Variants in WWOX observed in about 807,000 individuals in gnomAD.
The protein encoded by WWOX is WW domain-containing oxidoreductase.
In WWOX, 69 loss-of-function variants were observed where a neutral mutation model predicts 46.2. That is an observed-to-expected ratio of 1.49 (90% CI 1.23 to 1.82). The LOEUF is 1.82. WWOX is among the 40% of genes most tolerant of loss of function. The pLI is 0.00. For synonymous variants in WWOX, 359 were observed against 202.6 expected (o/e 1.77, Z -6.56); for missense variants, 919 against 542.6 (o/e 1.69, Z -6.89).
At chr16:78,817,297 C>G (rs1003613828) in intron 8 of WWOX, among the ~76,000 whole-genome samples, 1 of 142,820 alleles carries the variant, frequency 7.0e-6, no homozygotes, top group African/African-American at 2.6e-5. Flanking sequence ...AGTGTGTAGA[C>G]TTGATAGAAT....
At chr16:78,795,567 T>G (rs1375796648) in intron 8 of WWOX, among the ~76,000 whole-genome samples, 1 of 152,226 alleles carries the variant, frequency 6.6e-6, no homozygotes, top group Non-Finnish European at 1.5e-5. Context: ...GGGTATAATT[T>G]CTCACACAGA....
chr16:78,743,473 AAAGT>A (rs2049278317), intron 8 of WWOX, among the ~76,000 whole-genome samples: 1 of 124,820 alleles, frequency 8.0e-6, no homozygotes. Flanking sequence ...AGAAATTAGA[AAAGT>A]AAGTGAGGCA....
intron 5 of WWOX, among the ~76,000 whole-genome samples, chr16:78,369,286 C>G (rs1305904173): frequency 2.0e-5 from 3 of 152,140 alleles, no homozygotes; most frequent in East Asian, 1.9e-4. Flanking sequence ...AGTGAAAACA[C>G]TGAAACTCAC....
intron 8 of WWOX, among the ~76,000 whole-genome samples, chr16:78,773,288 C>T (rs1258059650): frequency 1.3e-5 from 2 of 152,188 alleles, no homozygotes; most frequent in Non-Finnish European, 2.9e-5. Flanking sequence ...ACTACAACTT[C>T]TGGCTCTGGC....
chr16:78,913,584 C>T (rs972345328), intron 8 of WWOX, among the ~76,000 whole-genome samples: 1 of 151,904 alleles, frequency 6.6e-6, no homozygotes, highest in Admixed American at 6.6e-5. Context: ...TAGTTTTGGA[C>T]TTGATGTGAG....
At chr16:78,478,842 C>A (rs1416102791) in intron 8 of WWOX, among the ~76,000 whole-genome samples, 3 of 152,100 alleles carry the variant, frequency 2.0e-5, no homozygotes, top group Non-Finnish European at 4.4e-5. Flanking sequence ...TTTCTCTCCC[C>A]TTTCCTTGGA....
At chr16:78,388,355 G>C (rs923062112) in intron 6 of WWOX, among the ~76,000 whole-genome samples, 6 of 152,104 alleles carry the variant, frequency 3.9e-5, no homozygotes, top group Non-Finnish European at 7.3e-5. Context: ...GATTTAAAAA[G>C]TTTGCTCTCA....
intron 8 of WWOX, among the ~76,000 whole-genome samples, chr16:78,668,895 G>T (rs150290132): frequency 2.6e-5 from 4 of 152,066 alleles, no homozygotes; most frequent in African/African-American, 9.7e-5. Flanking sequence ...TCTCTTCATC[G>T]GGCCTCCACA....
intron 8 of WWOX, among the ~76,000 whole-genome samples, chr16:78,802,379 A>C (rs1234798100): frequency 6.6e-6 from 1 of 152,076 alleles, no homozygotes; most frequent in Admixed American, 6.5e-5. Context: ...AATGGAATTG[A>C]ACAGGTAGGT....
In WWOX at chr16:78,569,975, C is replaced by A. The variant is rs546710259; in HGVS notation, c.1056+137223C>A. ...TTTCACATGTGATAAGAGATGGTTT[C>A]CATCCTGAAGAGCTTGCAGTGGGAT... On this transcript the variant is annotated intron_variant, in intron 8 of 8. Transcript: ENST00000566780. Among the ~76,000 whole-genome samples the A allele has an allele frequency of 2.0e-5, 3 of 152,264 alleles. No homozygotes were observed. In the South Asian group the frequency reaches 6.2e-4, roughly 32 times the overall value.
intron 5 of WWOX, among the ~76,000 whole-genome samples, chr16:78,358,940 G>A (rs1054074813): frequency 2.1e-5 from 3 of 145,708 alleles, no homozygotes; most frequent in African/African-American, 7.7e-5. Flanking sequence ...TGGCAGTACA[G>A]TTGTACTGAC....
chr16:78,854,949 G>A (rs1228017234), intron 8 of WWOX, among the ~76,000 whole-genome samples: 2 of 145,090 alleles, frequency 1.4e-5, no homozygotes, highest in Non-Finnish European at 3.0e-5. Flanking sequence ...TGGGTTATGT[G>A]TTTTATTTTC....
At chr16:79,151,162 T>C (rs1342124788) in intron 8 of WWOX, among the ~76,000 whole-genome samples, 1 of 152,216 alleles carries the variant, frequency 6.6e-6, no homozygotes, top group Non-Finnish European at 1.5e-5. Context: ...GCTTTCCATA[T>C]GTTATATAGT....
intron 8 of WWOX, among the ~76,000 whole-genome samples, chr16:78,517,328 C>A (rs1294779299): frequency 6.6e-6 from 1 of 150,562 alleles, no homozygotes; most frequent in African/African-American, 2.4e-5. Context: ...CCACCCACCC[C>A]TTTATTCTTG....
chr16:78,848,176 G>A (rs1408943258), intron 8 of WWOX, among the ~76,000 whole-genome samples: 1 of 152,110 alleles, frequency 6.6e-6, no homozygotes, highest in African/African-American at 2.4e-5. Context: ...GTTTTGCAGG[G>A]GTTTAATATC....
intron 5 of WWOX, among the ~76,000 whole-genome samples, chr16:78,221,673 C>G (rs2036892852): frequency 6.6e-6 from 1 of 152,068 alleles, no homozygotes; most frequent in Admixed American, 6.5e-5. Flanking sequence ...AATTAATGAC[C>G]CAAGAGCTAA....
chr16:78,666,370 C>T (rs1304483116), intron 8 of WWOX, among the ~76,000 whole-genome samples: 1 of 152,136 alleles, frequency 6.6e-6, no homozygotes, highest in Non-Finnish European at 1.5e-5. Context: ...CTCCTTACTG[C>T]CATCGGCATG....
At chr16:79,063,368 C>G (rs2048388127) in intron 8 of WWOX, among the ~76,000 whole-genome samples, 1 of 152,204 alleles carries the variant, frequency 6.6e-6, no homozygotes, top group Non-Finnish European at 1.5e-5. Context: ...TTGGCCCCAT[C>G]ACATCACAAC....
intron 5 of WWOX, among the ~76,000 whole-genome samples, chr16:78,283,435 A>G (rs921056786): frequency 1.1e-4 from 16 of 152,150 alleles, no homozygotes; most frequent in Non-Finnish European, 2.1e-4. Context: ...TCATTTTCAA[A>G]TAACTTTTGT....
Sources: allele counts gnomAD v4.1 joint callset (sites outside exome capture counted in the v4.1 genomes callset), GRCh38; gene constraint gnomAD v4.1.1; transcripts MANE v1.5; gene names NCBI Gene and HGNC (gene_info 2026-07-23, HGNC 2026-07-21).